The following CLSPN variants were observed in gnomAD, a reference collection of about 807,000 sequenced individuals.
The protein encoded by CLSPN is claspin homolog.
Under a neutral mutation model 156.3 loss-of-function variants are expected in CLSPN, and 85 were observed. The ratio of observed to expected loss-of-function variants is 0.54; its 90% CI spans 0.46 to 0.65. The LOEUF (loss-of-function observed/expected upper bound fraction) is 0.65. CLSPN is among the 30% of genes least tolerant of loss of function. The pLI is 0.00. For missense variants in CLSPN, 1,407 were observed against 1,554.9 expected (o/e 0.90, Z 1.60); for synonymous variants, 534 against 542.4 (o/e 0.98, Z 0.22).
rs757790853 is a variant in CLSPN, at chr1:35,748,473, T to C, written c.2404A>G (p.Thr802Ala). The change falls in exon 13 of 25, where the codon ACA becomes GCA. Residue 802 changes from threonine to alanine, a missense_variant. Around this residue, in one of 3 missense-constraint regions of CLSPN, gnomAD observed 1,096 missense variants for 1,193.0 expected, o/e 0.92. Transcript: ENST00000318121. ...QTGRGTSFFP[T>A]AGGFRSPSPG... ...GAAGGAGATCTGAATCCTCCTGCTG[T>C]AGGGAAAAAACTGGTCCCACGGCCT... 2 of 1,614,096 alleles carry C rather than the reference T, an allele frequency of 1.2e-6. No homozygotes were observed. The highest frequency in any genetic ancestry group is 2.2e-5 in the East Asian group (1 of 44,864).
chr1:35,721,023 G>T, intron 24 of CLSPN: 1 of 1,352,500 alleles, frequency 7.4e-7, no homozygotes, highest in Non-Finnish European at 1.1e-6. Flanking sequence ...AAGAAACAGA[G>T]ATGAGAGATA....
In CLSPN at chr1:35,753,837, A is replaced by AT; in HGVS notation, c.1678dup (p.Met560AsnfsTer4). 6.2e-7 allele frequency: 1 copy of AT among 1,614,166 alleles called. No homozygotes were observed. Among genetic ancestry groups the AT allele is most frequent in the Non-Finnish European group, 8.5e-7 (1 of 1,180,036 alleles). ...TAGCTCTTCCTTTCCATCAGTGCCC[A>AT]TGTCTTTCACTATGACGTTCACATT... On this transcript the variant is annotated frameshift_variant, in exon 9 of 25. Transcript: ENST00000318121. LOFTEE classifies it high-confidence loss of function.
intron 24 of CLSPN, among the ~76,000 whole-genome samples, chr1:35,726,583 A>AT (rs1372244010): frequency 6.6e-6 from 1 of 152,210 alleles, no homozygotes; most frequent in African/African-American, 2.4e-5. Flanking sequence ...TCACACACAC[A>AT]CATCATCATA....
At chr1:35,761,932 A>G (rs1352808433) in intron 6 of CLSPN, 66 bp downstream of exon 6, 2 of 1,073,848 alleles carry the variant, frequency 1.9e-6, no homozygotes, top group Non-Finnish European at 2.8e-6. Context: ...AAAAGTCCCC[A>G]ACATCCAAGT....
At chr1:35,753,639 A>C in intron 9 of CLSPN, 106 bp downstream of exon 9, 2 of 1,114,118 alleles carry the variant, frequency 1.8e-6, no homozygotes, top group Non-Finnish European at 1.3e-6. Context: ...CAAAGCCTCC[A>C]AGGAAAAAGA....
At chr1:35,759,299 C>T (rs1408320995) in intron 8 of CLSPN, among the ~76,000 whole-genome samples, 1 of 152,244 alleles carries the variant, frequency 6.6e-6, no homozygotes, top group Non-Finnish European at 1.5e-5. Context: ...TCCACCTATT[C>T]TTCAGGCTGT....
intron 12 of CLSPN, 128 bp from the exon 13 acceptor site, chr1:35,748,732 A>G: frequency 1.4e-6 from 1 of 721,458 alleles, no homozygotes; most frequent in South Asian, 1.6e-5. Flanking sequence ...ATATGTTCCA[A>G]AACATTAAGT....
intron 6 of CLSPN, 70 bp downstream of exon 6, chr1:35,761,926 GTC>G: frequency 1.0e-6 from 1 of 1,001,140 alleles, no homozygotes; most frequent in South Asian, 1.4e-5. Flanking sequence ...AAAAATAAAA[GTC>G]CCCAACATCC....
At chr1:35,759,580 A>G (rs2148624558) in intron 8 of CLSPN, among the ~76,000 whole-genome samples, 1 of 152,318 alleles carries the variant, frequency 6.6e-6, no homozygotes, top group East Asian at 1.9e-4. Context: ...CAACTTACTC[A>G]TAGTAGATAC....
At chr1:35,724,727 G>A (rs1342011488) in intron 24 of CLSPN, among the ~76,000 whole-genome samples, 1 of 152,142 alleles carries the variant, frequency 6.6e-6, no homozygotes, top group African/African-American at 2.4e-5. Flanking sequence ...CCCAAGACCA[G>A]GCACAACCCC....
rs1404391783 is a variant in CLSPN, at chr1:35,743,447, A to G, written c.3042+8T>C. 2 of 1,607,808 alleles carry G rather than the reference A, an allele frequency of 1.2e-6. No individual in the cohort carries two copies. The highest frequency in any genetic ancestry group is 1.7e-6 in the Non-Finnish European group (2 of 1,174,576). On this transcript the variant is annotated splice_region_variant and intron_variant, in intron 17 of 24. Coordinates refer to ENST00000318121, the MANE Select transcript of CLSPN (RefSeq NM_022111.4). ...CAGTTATGATTACTTTGTTCCCTTC[A>G]TACTCACCTCATCACTATCAAACTC... is the stretch of plus-strand genomic sequence containing the variant.
Position 35,739,119 on chromosome 1 carries a change from GACA to G in CLSPN, c.3430+14_3430+16del, listed in dbSNP as rs761411520. 23 of 1,614,042 alleles carry G rather than the reference GACA, an allele frequency of 1.4e-5. No individual in the cohort carries two copies. Among genetic ancestry groups the G allele is most frequent in the Non-Finnish European group, 1.8e-5 (21 of 1,179,996 alleles). ...CAGCCCGTAACTGATTGCTTTTAAA[GACA>G]ACAACCAAGATACCTATGTTTTTCC... On this transcript the variant is annotated intron_variant, in intron 20 of 24. Coordinates refer to ENST00000318121, the MANE Select transcript of CLSPN (RefSeq NM_022111.4).
Position 35,747,901 on chromosome 1 carries a change from A to C in CLSPN, c.2627+6T>G, listed in dbSNP as rs759321399. 6 of 1,610,872 alleles carry C rather than the reference A, an allele frequency of 3.7e-6. No homozygotes were observed. The East Asian group carries it at 1.3e-4, about 36-fold the overall frequency. ...TTCCCGCCCACAGAAACACAAAACTACCTACCCATCTGCATCCAACAGTTG... is the reference window on the plus strand; with the variant it reads ...TTCCCGCCCACAGAAACACAAAACTCCCTACCCATCTGCATCCAACAGTTG... On this transcript the variant is annotated splice_donor_region_variant and intron_variant, in intron 14 of 24. Coordinates refer to ENST00000318121, the MANE Select transcript of CLSPN (RefSeq NM_022111.4).
chr1:35,720,799 C>A, exon 25 of CLSPN: 1 of 872,622 alleles, frequency 1.1e-6, no homozygotes, highest in East Asian at 2.6e-5. Flanking sequence ...TTATGCAGTT[C>A]TGCCCAGACC....
rs1181597416 is a variant in CLSPN, at chr1:35,764,638, C to T, written c.210G>A (p.Glu70=). The T allele has an allele frequency of 3.7e-6, 6 of 1,612,560 alleles. No individual in the cohort carries two copies. The South Asian group carries it at 5.5e-5, about 15-fold the overall frequency. The change falls in exon 3 of 25, where the codon GAG becomes GAA. Residue 70 remains glutamate (E), a synonymous_variant. Coordinates refer to ENST00000318121, the MANE Select transcript of CLSPN (RefSeq NM_022111.4). ...KVLQDSDSET[E]DTNASPEKTT... ...TTTTCTCTGGAGAGGCATTTGTGTC[C>T]TCTGTTTCGGAATCACTGTCTTGTA...
intron 9 of CLSPN, among the ~76,000 whole-genome samples, chr1:35,753,258 A>AT (rs879606208): frequency 1.2e-3 from 171 of 146,440 alleles, no homozygotes; most frequent in Middle Eastern, 3.5e-3. Flanking sequence ...TGCCTGGATA[A>AT]TTTTTTTTTT....
At chr1:35,765,356 C>T (rs1353627788) in intron 1 of CLSPN, 30 bp from the exon 2 acceptor site, 1 of 1,490,420 alleles carries the variant, frequency 6.7e-7, no homozygotes, top group Admixed American at 1.7e-5. Context: ...TTTATATCAA[C>T]CAGCAGGTGA....
intron 2 of CLSPN, 21 bp from the exon 3 acceptor site, chr1:35,764,735 T>C: frequency 6.7e-7 from 1 of 1,488,734 alleles, no homozygotes; most frequent in Admixed American, 2.4e-5. Context: ...CAATTTTCTT[T>C]TAATTATACC....
chr1:35,724,201 C>T (rs1411013155), intron 24 of CLSPN, among the ~76,000 whole-genome samples: 1 of 152,162 alleles, frequency 6.6e-6, no homozygotes, highest in Admixed American at 6.5e-5. Context: ...GGCCTCCCAA[C>T]ATTCTGGGAT....
Sources: allele counts gnomAD v4.1 joint callset (sites outside exome capture counted in the v4.1 genomes callset), GRCh38; gene constraint gnomAD v4.1.1; regional missense constraint gnomAD v4.1.1; transcripts MANE v1.5; gene names NCBI Gene and HGNC (gene_info 2026-07-23, HGNC 2026-07-21).